Variants in HECW2 observed in about 807,000 individuals in gnomAD.
HECW2 encodes the protein HECT, C2 and WW domain containing E3 ubiquitin protein ligase 2, also known as E3 ubiquitin-protein ligase HECW2.
A neutral mutation model predicts 175.2 loss-of-function variants in HECW2; 61 were observed. The ratio of observed to expected loss-of-function variants is 0.35; its 90% confidence interval spans 0.28 to 0.43. The LOEUF (loss-of-function observed/expected upper bound fraction) is 0.43, where lower values mean the gene tolerates loss of function less well. Among genes scored for constraint, HECW2 ranks in the 20% least tolerant of loss-of-function variants. The pLI is 1.00. For missense variants in HECW2, 1,524 were observed against 2,000.5 expected (o/e 0.76, Z 4.54); for synonymous variants, 671 against 731.0 (o/e 0.92, Z 1.32).
chr2:196,221,196 A>G (rs1040305027), intron 24 of HECW2, among the ~76,000 whole-genome samples: 2 of 152,184 alleles, frequency 1.3e-5, no homozygotes, highest in Non-Finnish European at 2.9e-5. Flanking sequence ...TAAGTTTTAA[A>G]ATGCCGATGA....
intron 3 of HECW2, among the ~76,000 whole-genome samples, chr2:196,342,407 G>GAAA (rs1166917244): frequency 3.4e-5 from 2 of 58,420 alleles, no homozygotes; most frequent in African/African-American, 6.7e-5. Flanking sequence ...TCCGTTTCAA[G>GAAA]AAAAAAAAAA....
At chr2:196,393,469 C>A (rs539344104) in intron 2 of HECW2, among the ~76,000 whole-genome samples, 3 of 92,300 alleles carry the variant, frequency 3.3e-5, no homozygotes, top group Non-Finnish European at 8.6e-5. Flanking sequence ...AAAAATCAAA[C>A]AACCCCATCA....
intron 10 of HECW2, chr2:196,316,998 C>T (rs1222203101): frequency 5.3e-6 from 2 of 380,282 alleles, no homozygotes; most frequent in Non-Finnish European, 9.7e-6. Flanking sequence ...TTCTATTATG[C>T]ACCCAATTTC....
At chr2:196,356,855 G>GTA (rs761831361) in intron 2 of HECW2, among the ~76,000 whole-genome samples, 1 of 152,172 alleles carries the variant, frequency 6.6e-6, no homozygotes, top group African/African-American at 2.4e-5. Flanking sequence ...GAATAACAGT[G>GTA]TATGGTAGGG....
At chr2:196,320,571 A>G in intron 7 of HECW2, 132 bp from the exon 8 acceptor site, 1 of 575,342 alleles carries the variant, frequency 1.7e-6, no homozygotes, top group South Asian at 2.4e-5. Flanking sequence ...TTAAAGGCTC[A>G]AAGCCCATTA....
intron 17 of HECW2, among the ~76,000 whole-genome samples, chr2:196,261,496 T>C (rs1043418974): frequency 6.6e-6 from 1 of 152,180 alleles, no homozygotes; most frequent in African/African-American, 2.4e-5. Context: ...AAAAATAAGC[T>C]TTTTGTTAAG....
chr2:196,587,311 G>A (rs760408714), intron 1 of HECW2, among the ~76,000 whole-genome samples: 3 of 152,170 alleles, frequency 2.0e-5, no homozygotes, highest in Non-Finnish European at 4.4e-5. Flanking sequence ...CAACGATTAC[G>A]GATTCATTTG....
At chr2:196,365,931 C>G (rs1420231986) in intron 2 of HECW2, among the ~76,000 whole-genome samples, 1 of 152,164 alleles carries the variant, frequency 6.6e-6, no homozygotes. Context: ...TAGCCAGAAA[C>G]TAGCTGGATT....
chr2:196,365,839 G>C (rs1693729207), intron 2 of HECW2, among the ~76,000 whole-genome samples: 2 of 152,122 alleles, frequency 1.3e-5, no homozygotes, highest in South Asian at 2.1e-4. Flanking sequence ...TTAATCCTCA[G>C]AGTCACCAGA....
At position 196,292,708 on chromosome 2, in the gene HECW2, T is replaced by C. The variant is rs748109589; in HGVS notation, c.2857A>G (p.Met953Val). 14 of 1,614,046 alleles carry C rather than the reference T, an allele frequency of 8.7e-6. No individual in the cohort carries two copies. The highest frequency in any genetic ancestry group is 1.1e-5 in the Non-Finnish European group (13 of 1,179,908). The change falls in exon 14 of 29, where the codon ATG becomes GTG. Residue 953 changes from methionine (M) to valine (V), a missense_variant. Around this residue, in one of 11 missense-constraint regions of HECW2, gnomAD observed 291 missense variants for 412.2 expected, o/e 0.71. Coordinates refer to ENST00000644978, the MANE Select transcript of HECW2 (RefSeq NM_001348768.2). ...GTGTCCCTCCGGACTTTGGTGATCA[T>C]GTGCTTCAAACACGTGTTGTTTGTA... ...MFTNNTCLKH[M>V]ITKVRRDTHH...
intron 1 of HECW2, among the ~76,000 whole-genome samples, chr2:196,527,223 T>C (rs1575639102): frequency 6.6e-6 from 1 of 152,230 alleles, no homozygotes; most frequent in African/African-American, 2.4e-5. Context: ...AATATTCGGG[T>C]GGGAGTGACC....
chr2:196,272,785 G>A (rs567745099), intron 16 of HECW2, among the ~76,000 whole-genome samples: 4 of 152,042 alleles, frequency 2.6e-5, no homozygotes, highest in Non-Finnish European at 2.9e-5. Flanking sequence ...TTATTGAATC[G>A]GGGTTTATAG....
intron 1 of HECW2, among the ~76,000 whole-genome samples, chr2:196,527,689 T>C (rs1006130445): frequency 7.2e-5 from 11 of 152,226 alleles, no homozygotes; most frequent in Admixed American, 3.9e-4. Flanking sequence ...AACAGAATAC[T>C]ATATCTGCAT....
chr2:196,570,384 A>T (rs1369200765), intron 1 of HECW2, among the ~76,000 whole-genome samples: 1 of 152,212 alleles, frequency 6.6e-6, no homozygotes, highest in African/African-American at 2.4e-5. Context: ...AAGCTTGCAA[A>T]CTTATCTGGT....
chr2:196,521,991 T>A (rs1345451358), intron 1 of HECW2, among the ~76,000 whole-genome samples: 3 of 152,132 alleles, frequency 2.0e-5, no homozygotes, highest in African/African-American at 7.2e-5. Flanking sequence ...CCTTTGGGTA[T>A]ATACCCAGTA....
intron 1 of HECW2, among the ~76,000 whole-genome samples, chr2:196,521,563 T>C (rs1261252128): frequency 6.6e-6 from 1 of 150,962 alleles, no homozygotes; most frequent in Non-Finnish European, 1.5e-5. Flanking sequence ...ACATGTGCCA[T>C]GCTGGTGCGC....
chr2:196,471,516 A>G (rs989373330), intron 1 of HECW2, among the ~76,000 whole-genome samples: 2 of 152,224 alleles, frequency 1.3e-5, no homozygotes, highest in Admixed American at 6.5e-5. Context: ...ACATGCACAT[A>G]TATGTTCACT....
At chr2:196,398,009 G>A (rs1409546021) in intron 2 of HECW2, among the ~76,000 whole-genome samples, 1 of 152,070 alleles carries the variant, frequency 6.6e-6, no homozygotes, top group Non-Finnish European at 1.5e-5. Context: ...ACCAGGAAGT[G>A]GAGTCTTTTA....
chr2:196,304,711 G>A (rs995047617), intron 13 of HECW2, among the ~76,000 whole-genome samples: 1 of 152,096 alleles, frequency 6.6e-6, no homozygotes, highest in African/African-American at 2.4e-5. Context: ...AGCCCATTCT[G>A]CCTTGCATGA....
Sources: allele counts gnomAD v4.1 joint callset (sites outside exome capture counted in the v4.1 genomes callset), GRCh38; gene constraint gnomAD v4.1.1; regional missense constraint gnomAD v4.1.1; transcripts MANE v1.5; gene names NCBI Gene and HGNC (gene_info 2026-07-23, HGNC 2026-07-21).